Variants in ACBD6 observed in about 807,000 individuals in gnomAD.
The protein encoded by ACBD6 is acyl-CoA binding domain containing 6, also known as acyl-CoA-binding domain-containing protein 6.
In ACBD6, 28 loss-of-function variants were observed where a neutral mutation model predicts 37.2. The observed-to-expected ratio is 0.75, with a 90% confidence interval of 0.56 to 1.03. ACBD6 has a LOEUF of 1.03. ACBD6 is among the 50% of genes least tolerant of loss of function. The pLI, the probability that ACBD6 is intolerant of heterozygous loss-of-function variation, is 0.00. For synonymous variants in ACBD6, 113 were observed against 126.8 expected (o/e 0.89, Z 0.73); for missense variants, 340 against 337.4 (o/e 1.01, Z -0.06).
intron 5 of ACBD6, among the ~76,000 whole-genome samples, chr1:180,412,513 T>C (rs979437521): frequency 6.6e-6 from 1 of 152,204 alleles, no homozygotes; most frequent in Non-Finnish European, 1.5e-5. Flanking sequence ...TTAACAGCTA[T>C]AATTCAGGGT....
At chr1:180,304,651 C>T (rs1341028832) in intron 7 of ACBD6, among the ~76,000 whole-genome samples, 1 of 150,748 alleles carries the variant, frequency 6.6e-6, no homozygotes, top group African/African-American at 2.4e-5. Context: ...TAGGAAGAAT[C>T]AATATCATGA....
At chr1:180,462,026 AG>A (rs1321601158) in intron 3 of ACBD6, among the ~76,000 whole-genome samples, 1 of 152,192 alleles carries the variant, frequency 6.6e-6, no homozygotes, top group Non-Finnish European at 1.5e-5. Context: ...ACTTGAGGTC[AG>A]GAATTTGAGA....
chr1:180,303,525 C>G lies in ACBD6; in HGVS notation c.694+11167G>C, dbSNP rs138047422. ...ATCTAGAAGAAATGGATAAATTCCT[C>G]GACACATACACCCTCCCAAGACTAA... On this transcript the variant is annotated intron_variant, in intron 7 of 7. Coordinates refer to ENST00000367595, the MANE Select transcript of ACBD6 (RefSeq NM_032360.4). 1.1e-4 allele frequency among the ~76,000 whole-genome samples: 16 copies of G among 150,652 alleles called. No homozygotes were observed. The South Asian group carries it at 2.5e-3, about 24-fold the overall frequency.
Position 180,288,237 on chromosome 1 carries a change from T to C in ACBD6, c.*126A>G. On this transcript the variant is annotated 3_prime_UTR_variant, in exon 8 of 8. Transcript: ENST00000367595. ...ATTGCTGAGACTTCAAAATCCCAGT[T>C]CCACAGAACTGATTTTATTAGCCAA... 1 of 1,361,780 alleles carries C rather than the reference T, an allele frequency of 7.3e-7. No individual in the cohort carries two copies. Among genetic ancestry groups the C allele is most frequent in the Non-Finnish European group, 1.0e-6 (1 of 982,340 alleles). The allele number at this position is 1,361,780 out of a possible 1,614,324, so 84.4% of individuals were successfully genotyped here.
intron 3 of ACBD6, among the ~76,000 whole-genome samples, chr1:180,468,206 C>T (rs1255790504): frequency 2.0e-5 from 3 of 152,178 alleles, no homozygotes; most frequent in African/African-American, 4.8e-5. Context: ...CCTGCCTATC[C>T]TTGGGCAAAG....
chr1:180,298,798 T>C (rs994938928), intron 7 of ACBD6, among the ~76,000 whole-genome samples: 9 of 152,248 alleles, frequency 5.9e-5, no homozygotes, highest in Non-Finnish European at 4.4e-5. Context: ...CTGGGAGTTA[T>C]GCAAAGACAG....
intron 3 of ACBD6, among the ~76,000 whole-genome samples, chr1:180,449,772 G>T (rs962497461): frequency 2.0e-5 from 3 of 151,814 alleles, no homozygotes; most frequent in African/African-American, 4.8e-5. Flanking sequence ...GTAGGGTGGG[G>T]ACAGGGGGAG....
chr1:180,329,074 C>CT (rs1651372852), intron 6 of ACBD6, among the ~76,000 whole-genome samples: 1 of 152,172 alleles, frequency 6.6e-6, no homozygotes, highest in Non-Finnish European at 1.5e-5. Flanking sequence ...ACACATCTTA[C>CT]TTCTCATTAC....
chr1:180,494,243 C>T (rs1651636203), intron 2 of ACBD6, among the ~76,000 whole-genome samples: 1 of 151,974 alleles, frequency 6.6e-6, no homozygotes, highest in South Asian at 2.1e-4. Context: ...CTTGCATAAA[C>T]TATTATTATG....
intron 3 of ACBD6, among the ~76,000 whole-genome samples, chr1:180,439,546 C>T (rs867393066): frequency 2.7e-4 from 41 of 151,894 alleles, no homozygotes; most frequent in African/African-American, 9.4e-4. Flanking sequence ...GCCAAGATTG[C>T]GCTACTGCAC....
intron 6 of ACBD6, among the ~76,000 whole-genome samples, chr1:180,356,079 G>A (rs1652618841): frequency 6.6e-6 from 1 of 151,902 alleles, no homozygotes; most frequent in Non-Finnish European, 1.5e-5. Flanking sequence ...CACCATATTG[G>A]TCAGGCTGGT....
intron 5 of ACBD6, among the ~76,000 whole-genome samples, chr1:180,407,081 AG>A (rs1481177632): frequency 6.6e-6 from 1 of 152,090 alleles, no homozygotes; most frequent in African/African-American, 2.4e-5. Context: ...TTTGATTTTA[AG>A]CTCCCACCTC....
intron 5 of ACBD6, among the ~76,000 whole-genome samples, chr1:180,412,385 T>C (rs1647897752): frequency 6.6e-6 from 1 of 152,214 alleles, no homozygotes; most frequent in African/African-American, 2.4e-5. Flanking sequence ...ACAGATTATC[T>C]ATGATCATTT....
chr1:180,428,350 C>CA (rs146553756), intron 4 of ACBD6, among the ~76,000 whole-genome samples: 17,364 of 152,134 alleles, frequency 0.11, 1,484 homozygotes, highest in African/African-American at 0.24. Context: ...CACAAATATT[C>CA]CAATGTTTTC....
At chr1:180,353,598 T>C (rs929740442) in intron 6 of ACBD6, among the ~76,000 whole-genome samples, 2 of 151,948 alleles carry the variant, frequency 1.3e-5, no homozygotes, top group African/African-American at 4.8e-5. Flanking sequence ...AAATTGTATT[T>C]AATTAGCATT....
At chr1:180,298,364 T>C (rs1323892340) in intron 7 of ACBD6, among the ~76,000 whole-genome samples, 6 of 152,190 alleles carry the variant, frequency 3.9e-5, no homozygotes, top group East Asian at 1.9e-4. Context: ...ATAACCATCA[T>C]GATCTGTCAG....
chr1:180,498,065 A>G (rs1373990119), intron 1 of ACBD6, among the ~76,000 whole-genome samples: 1 of 152,226 alleles, frequency 6.6e-6, no homozygotes, highest in Non-Finnish European at 1.5e-5. Context: ...ACATCATTCC[A>G]TGAAATATTT....
intron 3 of ACBD6, among the ~76,000 whole-genome samples, chr1:180,480,982 G>A (rs1170263603): frequency 6.6e-6 from 1 of 150,674 alleles, no homozygotes; most frequent in Non-Finnish European, 1.5e-5. Context: ...AGTGAGCGGA[G>A]ATCGCACCAC....
In ACBD6 at chr1:180,502,167, G is replaced by A; in HGVS notation, c.100C>T (p.Pro34Ser). Residue 34 changes from proline (P) to serine (S), a missense_variant, in exon 1 of 8, where the codon CCT becomes TCT. By Grantham distance (74) the Pro-to-Ser change is moderately conservative. Coordinates refer to ENST00000367595, the MANE Select transcript of ACBD6 (RefSeq NM_032360.4). ...AGGCAACTGGTCTCCTCGATCTCAG[G>A]GCTATGGGGGAACTCCACCTCCCCG... ...DSGEVEFPHS[P>S]EIEETSCLAE... The A allele has an allele frequency of 6.2e-7, 1 of 1,614,076 alleles. No individual in the cohort carries two copies. The highest frequency in any genetic ancestry group is 8.5e-7 in the Non-Finnish European group (1 of 1,180,018).
Sources: gnomAD v4.1 joint callset for allele counts (sites outside exome capture counted in the v4.1 genomes callset) on GRCh38, gnomAD v4.1.1 for gene constraint, MANE v1.5 for transcripts, NCBI Gene and HGNC (gene_info 2026-07-23, HGNC 2026-07-21) for gene names.